The following GNA12 variants were observed in gnomAD, a reference collection of about 807,000 sequenced individuals.
The protein encoded by GNA12 is G protein subunit alpha 12, also known as guanine nucleotide-binding protein subunit alpha-12.
GNA12 carries 9 observed loss-of-function variants against 26.0 expected under a neutral mutation model. The observed-to-expected ratio is 0.35, with a 90% confidence interval of 0.21 to 0.60. The LOEUF is 0.60. GNA12 is among the 20% of genes least tolerant of loss of function. The pLI, the probability that GNA12 is intolerant of heterozygous loss-of-function variation, is 0.78. For missense variants in GNA12, 405 were observed against 525.8 expected (o/e 0.77, Z 2.25); for synonymous variants, 264 against 219.6 (o/e 1.20, Z -1.79).
chr7:2,734,603 T>G (rs1269107114), intron 2 of GNA12, among the ~76,000 whole-genome samples: 1 of 152,214 alleles, frequency 6.6e-6, no homozygotes. Flanking sequence ...CTGCTCAGTC[T>G]ATCTCTTCCT....
intron 1 of GNA12, chr7:2,815,224 A>C (rs1793190843): frequency 2.9e-6 from 1 of 348,476 alleles, no homozygotes; most frequent in Middle Eastern, 8.7e-4. Context: ...GGAGGAAGCC[A>C]GTCAGCGGAC....
intron 1 of GNA12, among the ~76,000 whole-genome samples, chr7:2,833,661 G>A (rs1778746592): frequency 6.6e-6 from 1 of 152,082 alleles, no homozygotes; most frequent in Non-Finnish European, 1.5e-5. Flanking sequence ...TTGGTATTAC[G>A]AAAGGACCAA....
chr7:2,812,617 G>T (rs1004639441), intron 1 of GNA12, among the ~76,000 whole-genome samples: 9 of 125,510 alleles, frequency 7.2e-5, no homozygotes, highest in African/African-American at 2.2e-4. Flanking sequence ...CAACAAGAGT[G>T]AAACTCCATC....
chr7:2,839,746 C>T (rs1583320852), intron 1 of GNA12, among the ~76,000 whole-genome samples: 1 of 152,126 alleles, frequency 6.6e-6, no homozygotes, highest in Admixed American at 6.5e-5. Flanking sequence ...CGGCGTCTCA[C>T]ATCTGGCACT....
chr7:2,733,350 T>C (rs774888418), intron 3 of GNA12, 101 bp downstream of exon 3: 18 of 908,350 alleles, frequency 2.0e-5, no homozygotes, highest in Non-Finnish European at 2.9e-5. Context: ...AAGCTCGGCC[T>C]GTCAGTCCAG....
intron 1 of GNA12, among the ~76,000 whole-genome samples, chr7:2,841,578 G>C (rs533291616): frequency 1.3e-5 from 2 of 150,264 alleles, no homozygotes; most frequent in African/African-American, 5.1e-5. Flanking sequence ...GCACCGAGAG[G>C]CTTGGAAAGA....
At chr7:2,840,567 T>A (rs145698183) in intron 1 of GNA12, among the ~76,000 whole-genome samples, 68 of 152,304 alleles carry the variant, frequency 4.5e-4, no homozygotes, top group African/African-American at 1.6e-3. Flanking sequence ...TTATTTAAAG[T>A]CCCTTCCCTG....
At chr7:2,822,802 A>C (rs929191637) in intron 1 of GNA12, among the ~76,000 whole-genome samples, 4 of 152,008 alleles carry the variant, frequency 2.6e-5, no homozygotes, top group African/African-American at 7.3e-5. Context: ...ACAGAGTAAG[A>C]CTCCGTTTCC....
At chr7:2,792,703 C>T (rs1232580137) in intron 2 of GNA12, among the ~76,000 whole-genome samples, 2 of 152,204 alleles carry the variant, frequency 1.3e-5, no homozygotes, top group African/African-American at 4.8e-5. Flanking sequence ...TTAAAATTTC[C>T]TTTCTACCGC....
chr7:2,794,047 T>C (rs1792587845), intron 2 of GNA12, among the ~76,000 whole-genome samples: 1 of 152,130 alleles, frequency 6.6e-6, no homozygotes, highest in Non-Finnish European at 1.5e-5. Flanking sequence ...CCTCGCCTGA[T>C]GAAATTCCAA....
intron 1 of GNA12, among the ~76,000 whole-genome samples, chr7:2,801,720 G>A (rs750990381): frequency 7.9e-5 from 12 of 151,896 alleles, no homozygotes; most frequent in Non-Finnish European, 1.8e-4. Context: ...AAAAAAAGAT[G>A]TCTCTCTTTT....
At chr7:2,818,886 T>A (rs1212405152) in intron 1 of GNA12, among the ~76,000 whole-genome samples, 2 of 151,966 alleles carry the variant, frequency 1.3e-5, no homozygotes, top group African/African-American at 4.8e-5. Flanking sequence ...CCTTTCATGG[T>A]CCCCTGTAAC....
intron 1 of GNA12, among the ~76,000 whole-genome samples, chr7:2,843,450 G>A (rs1779063916): frequency 6.6e-6 from 1 of 152,078 alleles, no homozygotes; most frequent in Non-Finnish European, 1.5e-5. Context: ...ACTGAGACCA[G>A]CCTGGGCAAC....
chr7:2,776,774 AACTGT>A (rs1268522581), intron 2 of GNA12, among the ~76,000 whole-genome samples: 14 of 152,148 alleles, frequency 9.2e-5, no homozygotes, highest in Non-Finnish European at 4.4e-5. Context: ...CTAAGCAAGA[AACTGT>A]ACTGTTTTTA....
intron 2 of GNA12, among the ~76,000 whole-genome samples, chr7:2,772,375 A>C (rs111777573): frequency 0.03 from 4,582 of 152,130 alleles, 193 homozygotes; most frequent in African/African-American, 0.087. Flanking sequence ...TCCTGGCTAA[A>C]ATGGTGAAAC....
chr7:2,743,747 A>G (rs984232401), intron 2 of GNA12, among the ~76,000 whole-genome samples: 1 of 152,206 alleles, frequency 6.6e-6, no homozygotes, highest in Non-Finnish European at 1.5e-5. Flanking sequence ...GGGAAGCGCA[A>G]GGGGTCAGGG....
intron 1 of GNA12, among the ~76,000 whole-genome samples, chr7:2,798,151 G>T (rs765072415): frequency 5.9e-5 from 9 of 152,130 alleles, no homozygotes; most frequent in Non-Finnish European, 1.5e-5. Context: ...GTGCGACAAG[G>T]TAGGAAAATG....
At chr7:2,735,794 CCTCAT>C (rs1790141679) in intron 2 of GNA12, among the ~76,000 whole-genome samples, 1 of 152,156 alleles carries the variant, frequency 6.6e-6, no homozygotes, top group South Asian at 2.1e-4. Flanking sequence ...GTCAGGGCGG[CCTCAT>C]CTCGAGAAAC....
chr7:2,804,769 T>C (rs906893239), intron 1 of GNA12, among the ~76,000 whole-genome samples: 4 of 151,998 alleles, frequency 2.6e-5, no homozygotes, highest in African/African-American at 4.8e-5. Flanking sequence ...ACTAAAGACG[T>C]TGAAGAGAGC....
Sources: gnomAD v4.1 joint callset for allele counts (sites outside exome capture counted in the v4.1 genomes callset) on GRCh38, gnomAD v4.1.1 for gene constraint, MANE v1.5 for transcripts, NCBI Gene and HGNC (gene_info 2026-07-23, HGNC 2026-07-21) for gene names.